SLC28A3: variants seen among roughly 807,000 people sequenced by gnomAD.
SLC28A3 encodes solute carrier family 28 member 3.
Under a neutral mutation model 84.2 loss-of-function variants are expected in SLC28A3, and 68 were observed. The observed-to-expected ratio is 0.81, with a 90% CI of 0.66 to 0.99. The LOEUF is 0.99. Ranked by LOEUF, SLC28A3 falls within the 50% of genes least tolerant of loss-of-function variation. The probability of loss-of-function intolerance (pLI) is 0.00; values close to 1 mark genes in which losing one functional copy is unlikely to be tolerated. For missense variants in SLC28A3, 712 were observed against 841.5 expected, an observed-to-expected ratio of 0.85 and a Z score of 1.90; for synonymous variants, 267 against 303.6, an observed-to-expected ratio of 0.88 and a Z score of 1.25.
In SLC28A3 at chr9:84,307,132, C is replaced by CAAAAAAAAAA. The variant is rs34204820; in HGVS notation, c.243-1797_243-1788dup. Among the ~76,000 whole-genome samples the CAAAAAAAAAA allele has an allele frequency of 1.7e-5, 2 of 119,670 alleles. 1 individual carries two copies. The allele number at this position is 119,670 out of a possible 152,430, so 78.5% of individuals were successfully genotyped here. A position where few individuals can be genotyped will look rare whatever the true frequency, so the allele number is the denominator to read the frequency against. On this transcript the variant is annotated intron_variant, in intron 3 of 17. Transcript: ENST00000376238. ...TTGTGTCACTGCACCCCGTCTCAAC[C>CAAAAAAAAAA]AAAAAAAAAAAAAAAAGGCCAGGCG...
At chr9:84,297,813 C>A in intron 7 of SLC28A3, 93 bp downstream of exon 7, 1 of 1,013,352 alleles carries the variant, frequency 9.9e-7, no homozygotes, top group Non-Finnish European at 1.5e-6. Flanking sequence ...ACAACTCATG[C>A]AGACAGATAA....
the SLC28A3 span, among the ~76,000 whole-genome samples, chr9:84,361,230 A>G: frequency 6.6e-6 from 1 of 152,274 alleles, no homozygotes. Flanking sequence ...TTGTAATCCC[A>G]GTTACTCGGG....
At chr9:84,346,323 C>G in the SLC28A3 span, among the ~76,000 whole-genome samples, 3 of 152,144 alleles carry the variant, frequency 2.0e-5, no homozygotes, top group Non-Finnish European at 4.4e-5. Flanking sequence ...AATTACATGG[C>G]AATAGATTGT....
chr9:84,330,603 T>A (rs559762816), intron 1 of SLC28A3, among the ~76,000 whole-genome samples: 7 of 152,354 alleles, frequency 4.6e-5, no homozygotes, highest in Admixed American at 1.3e-4. Context: ...AAAACAGGCA[T>A]GTTTAGAACA....
At chr9:84,365,985 G>T in the SLC28A3 span, among the ~76,000 whole-genome samples, 1 of 152,178 alleles carries the variant, frequency 6.6e-6, no homozygotes, top group Non-Finnish European at 1.5e-5. Context: ...AGGAGGCAGA[G>T]GTTGTGGTGA....
At chr9:84,310,205 T>A (rs973576237) in intron 2 of SLC28A3, among the ~76,000 whole-genome samples, 2 of 152,156 alleles carry the variant, frequency 1.3e-5, no homozygotes, top group African/African-American at 4.8e-5. Context: ...CAAGAGCCAA[T>A]AAGCCTCCCC....
chr9:84,307,430 C>CAAAAAAAAAA (rs773007559), intron 3 of SLC28A3, among the ~76,000 whole-genome samples: 11 of 40,722 alleles, frequency 2.7e-4, no homozygotes, highest in East Asian at 1.7e-3. Flanking sequence ...GACTCCATCT[C>CAAAAAAAAAA]AAAAAAAAAA....
chr9:84,288,213 T>C lies in SLC28A3; in HGVS notation c.1150-35A>G, dbSNP rs11568407. On this transcript the variant is annotated intron_variant, in intron 11 of 17. Transcript: ENST00000376238. ...CAGAAGAAAGAAGGCAAACCTGGGA[T>C]TAGCTTTTTTCTTGTGTTCAGAGGA... is the stretch of plus-strand genomic sequence containing the variant. 1.4e-4 allele frequency: 231 copies of C among 1,612,686 alleles called. 1 individual carries two copies. In the East Asian group the frequency reaches 4.2e-3, roughly 29 times the overall value.
intron 6 of SLC28A3, 101 bp from the exon 7 acceptor site, chr9:84,298,120 T>C: frequency 2.1e-6 from 2 of 949,016 alleles, no homozygotes; most frequent in Non-Finnish European, 3.3e-6. Context: ...CACTATCAGA[T>C]GTGGCCTGTC....
upstream of SLC28A3, among the ~76,000 whole-genome samples, chr9:84,344,801 C>T (rs1827223884): frequency 1.3e-5 from 2 of 152,174 alleles, no homozygotes; most frequent in South Asian, 4.1e-4. Context: ...GCCCAACCCC[C>T]TCCTCCCCTT....
At chr9:84,324,176 C>T (rs1329102590) in intron 1 of SLC28A3, among the ~76,000 whole-genome samples, 1 of 152,106 alleles carries the variant, frequency 6.6e-6, no homozygotes, top group Non-Finnish European at 1.5e-5. Context: ...GACCGGTGCT[C>T]CCAACTTGTT....
At chr9:84,312,542 CTTT>C (rs35691184) in intron 2 of SLC28A3, among the ~76,000 whole-genome samples, 3 of 134,356 alleles carry the variant, frequency 2.2e-5, no homozygotes, top group South Asian at 2.4e-4. Flanking sequence ...CCCCAAATTC[CTTT>C]TTTTTTTTTT....
At chr9:84,326,294 G>A (rs1024619513) in intron 1 of SLC28A3, among the ~76,000 whole-genome samples, 55 of 151,774 alleles carry the variant, frequency 3.6e-4, no homozygotes, top group African/African-American at 1.3e-3. Context: ...CACCACTATC[G>A]TTTTAAAGTA....
intron 1 of SLC28A3, among the ~76,000 whole-genome samples, chr9:84,323,821 C>A (rs1826461892): frequency 6.6e-6 from 1 of 152,024 alleles, no homozygotes; most frequent in South Asian, 2.1e-4. Flanking sequence ...CCCTCCCCTC[C>A]AAATCTGGCT....
upstream of SLC28A3, among the ~76,000 whole-genome samples, chr9:84,340,986 T>C (rs1265837187): frequency 1.3e-5 from 2 of 151,768 alleles, no homozygotes; most frequent in Non-Finnish European, 2.9e-5. Context: ...TTCTTTCTTT[T>C]TTTTTTTGAG....
intron 10 of SLC28A3, among the ~76,000 whole-genome samples, chr9:84,290,787 C>A (rs1825183764): frequency 6.6e-6 from 1 of 152,104 alleles, no homozygotes; most frequent in South Asian, 2.1e-4. Context: ...CCTTGACAGA[C>A]CCTAAACCTG....
At chr9:84,304,793 G>A (rs949416969) in intron 4 of SLC28A3, among the ~76,000 whole-genome samples, 7 of 152,162 alleles carry the variant, frequency 4.6e-5, no homozygotes, top group Non-Finnish European at 8.8e-5. Flanking sequence ...AGGCCAAGGC[G>A]GGCAAATCAC....
Position 84,326,579 on chromosome 9 carries a change from C to T in SLC28A3, c.61-13125G>A, listed in dbSNP as rs143741367. Among the ~76,000 whole-genome samples the T allele has an allele frequency of 3.7e-3, 555 of 152,044 alleles. 5 individuals carry two copies. The highest frequency in any genetic ancestry group is 0.013 in the African/African-American group (541 of 41,472). ...ATGGCTGAATTGGGGATTTTCCAAT[C>T]ATTCCTGACATGACATCCTTGTGGC... On this transcript the variant is annotated intron_variant, in intron 1 of 17. Coordinates refer to ENST00000376238, the MANE Select transcript of SLC28A3 (RefSeq NM_001199633.2).
intron 9 of SLC28A3, 137 bp downstream of exon 9, chr9:84,294,058 A>G: frequency 2.9e-6 from 2 of 679,932 alleles, no homozygotes; most frequent in Non-Finnish European, 4.8e-6. Flanking sequence ...TTTGAATCTA[A>G]TCACTTAGGT....
Sources: allele counts gnomAD v4.1 joint callset (sites outside exome capture counted in the v4.1 genomes callset), GRCh38; gene constraint gnomAD v4.1.1; transcripts MANE v1.5; gene names NCBI Gene and HGNC (gene_info 2026-07-23, HGNC 2026-07-21).